The following ADPRHL1 variants were observed in gnomAD, a reference collection of about 807,000 sequenced individuals.
ADPRHL1 encodes the protein ADP-ribosylhydrolase like 1, also known as inactive ADP-ribosyltransferase ARH2.
Under a neutral mutation model 44.1 loss-of-function variants are expected in ADPRHL1, and 43 were observed. The observed-to-expected ratio is 0.98, with a 90% confidence interval of 0.76 to 1.26. The LOEUF (loss-of-function observed/expected upper bound fraction) is 1.26, where lower values mean the gene tolerates loss of function less well. ADPRHL1 is among the 50% of genes most tolerant of loss of function. ADPRHL1 has a pLI of 0.00. For synonymous variants in ADPRHL1, 878 were observed against 1,017.4 expected (o/e 0.86, Z 2.61); for missense variants, 2,022 against 2,496.9 (o/e 0.81, Z 4.05).
At chr13:113,440,667 C>T (rs2139644552) in intron 2 of ADPRHL1, among the ~76,000 whole-genome samples, 1 of 152,176 alleles carries the variant, frequency 6.6e-6, no homozygotes, top group South Asian at 2.1e-4. Flanking sequence ...GTTGGCCAGG[C>T]TGGTCTCGAA....
chr13:113,407,877 C>T lies in ADPRHL1; in HGVS notation c.1405G>A (p.Ala469Thr). 8.1e-7 allele frequency: 1 copy of T among 1,231,952 alleles called. No homozygotes were observed. The highest frequency in any genetic ancestry group is 1.0e-6 in the Non-Finnish European group (1 of 987,974). The allele number at this position is 1,231,952 out of a possible 1,614,324, so 76.3% of individuals were successfully genotyped here. Residue 469 changes from alanine to threonine, a missense_variant, in exon 8 of 8, where the codon GCC becomes ACC. Ala to Thr is a moderately conservative substitution (Grantham distance 58). Around this residue, in one of 8 missense-constraint regions of ADPRHL1, gnomAD observed 1,221 missense variants for 1,517.8 expected, o/e 0.80. Transcript: ENST00000612156. Reference protein sequence around the residue: ...KQGPGGGLVGATINKLLEKTK... With the variant: ...KQGPGGGLVGTTINKLLEKTK... ...TTCTCCAGGAGCTTGTTGATGGTGGCACCCACGAGGCCCCCACCCGGCCCC... is the reference window on the plus strand; with the variant it reads ...TTCTCCAGGAGCTTGTTGATGGTGGTACCCACGAGGCCCCCACCCGGCCCC...
At chr13:113,431,549 T>G (rs117734750) in intron 3 of ADPRHL1, among the ~76,000 whole-genome samples, 84 of 152,342 alleles carry the variant, frequency 5.5e-4, no homozygotes, top group Non-Finnish European at 9.8e-4. Flanking sequence ...GAGCACGCGA[T>G]GCAGGCTGTA....
rs1256174133 is a variant in ADPRHL1 at position 113,404,545 on chromosome 13, C to G, written c.4737G>C (p.Gln1579His). 1 of 1,297,192 alleles carries G rather than the reference C, an allele frequency of 7.7e-7. No individual in the cohort carries two copies. Among genetic ancestry groups the G allele is most frequent in the Non-Finnish European group, 9.7e-7 (1 of 1,027,140 alleles). 80.4% of individuals were successfully genotyped at this position (1,297,192 alleles called of 1,614,324 possible). ...CCCATTTCTGGGCCTGTCCCTGAAC[C>G]TGTCCCTGGGCCCCACCCTGAGCTG... ...QEPAQGGAQG[Q>H]VQGQAQKWAQ... The change falls in exon 8 of 8, where the codon CAG becomes CAC. Residue 1579 changes from glutamine to histidine, a missense_variant. Coordinates refer to ENST00000612156, the MANE Select transcript of ADPRHL1 (RefSeq NM_001394807.1).
At chr13:113,434,263 C>A (rs1201396504) in intron 2 of ADPRHL1, among the ~76,000 whole-genome samples, 1 of 151,936 alleles carries the variant, frequency 6.6e-6, no homozygotes, top group Non-Finnish European at 1.5e-5. Context: ...GGACCCAGCA[C>A]CCAGGCGCAG....
intron 2 of ADPRHL1, 35 bp from the exon 3 acceptor site, chr13:113,433,902 G>C (rs2044026679): frequency 1.3e-6 from 2 of 1,504,046 alleles, no homozygotes; most frequent in East Asian, 2.5e-5. Context: ...TTAGACTTCT[G>C]CTCCAATAAT....
intron 7 of ADPRHL1, among the ~76,000 whole-genome samples, chr13:113,418,139 T>C (rs1337271579): frequency 6.6e-6 from 1 of 152,148 alleles, no homozygotes; most frequent in East Asian, 1.9e-4. Context: ...TAAAAGCTAC[T>C]CTGTGCTCAT....
In ADPRHL1 at chr13:113,409,995, G is replaced by A. The variant is rs2043840525; in HGVS notation, c.1062-1775C>T. 1.5e-5 allele frequency: 15 copies of A among 985,274 alleles called. No individual in the cohort carries two copies. Among genetic ancestry groups the A allele is most frequent in the Non-Finnish European group, 1.6e-5 (13 of 829,912 alleles). 61.0% of individuals were successfully genotyped at this position (985,274 alleles called of 1,614,324 possible). ...TGTGTTTGTCTGCATTTTTCCAAAA[G>A]AGAGAGCTCTGTTTTGAAGCCATGG... On this transcript the variant is annotated intron_variant, in intron 7 of 7. Coordinates refer to ENST00000612156, the MANE Select transcript of ADPRHL1 (RefSeq NM_001394807.1). This position sits in a 1 kb window ranked among gnomAD's most constrained non-coding sequence, Gnocchi z 4.2.
intron 1 of ADPRHL1, among the ~76,000 whole-genome samples, chr13:113,445,971 A>AGCACGCGC (rs2044133704): frequency 3.9e-3 from 568 of 146,666 alleles, no homozygotes; most frequent in African/African-American, 8.0e-3. Context: ...CCCTGGAGAG[A>AGCACGCGC]GTGCACAGGA....
At chr13:113,415,667 C>T (rs1032063831) in intron 7 of ADPRHL1, among the ~76,000 whole-genome samples, 1 of 146,240 alleles carries the variant, frequency 6.8e-6, no homozygotes, top group African/African-American at 2.5e-5. Context: ...AGGAGAATCA[C>T]TTGAACCCAG....
rs2043789862 is a variant in ADPRHL1 at position 113,404,319 on chromosome 13, G to GTT, written c.4961_4962dup (p.Gln1655AsnfsTer9). On this transcript the variant is annotated frameshift_variant, in exon 8 of 8. Coordinates refer to ENST00000612156, the MANE Select transcript of ADPRHL1 (RefSeq NM_001394807.1). LOFTEE classifies it low-confidence loss of function (END_TRUNC). ...TCTATCTGGGTCTGCTCCTGAGCCTGTTCCTGGGCCCGTTCCTGAGCCCCT... is the reference window on the plus strand; with the variant it reads ...TCTATCTGGGTCTGCTCCTGAGCCTGTTTTCCTGGGCCCGTTCCTGAGCCCCT... The GTT allele has an allele frequency of 2.3e-6, 3 of 1,328,312 alleles. No individual in the cohort carries two copies. The highest frequency in any genetic ancestry group is 2.9e-6 in the Non-Finnish European group (3 of 1,047,518). 82.3% of individuals were successfully genotyped at this position (1,328,312 alleles called of 1,614,324 possible).
intron 7 of ADPRHL1, among the ~76,000 whole-genome samples, chr13:113,419,907 G>GGT (rs1001536831): frequency 6.6e-6 from 1 of 152,122 alleles, no homozygotes; most frequent in African/African-American, 2.4e-5. Context: ...GGACAGCCAG[G>GGT]GTGTGTGTGT....
rs1252186253 is a variant in ADPRHL1 at position 113,429,050 on chromosome 13, G to A, written c.548C>T (p.Ala183Val). The change falls in exon 4 of 8, where the codon GCC becomes GTC. Residue 183 changes from alanine (A) to valine (V), a missense_variant. Ala to Val is a moderately conservative substitution (Grantham distance 64). Transcript: ENST00000612156. The part of the protein sequence containing the change: ...SLCTALFVSF[A>V]AQGKPLVQWG... ...CTGGACCAGGGGCTTTCCTTGTGCG[G>A]CGAACGACACAAACAGGGCCGTGCA... 3.7e-6 allele frequency: 6 copies of A among 1,612,632 alleles called. No individual in the cohort carries two copies. The South Asian group carries it at 4.4e-5, about 12-fold the overall frequency.
rs1481133020 is a variant in ADPRHL1, at chr13:113,425,090, T to C, written c.736A>G (p.Ile246Val). Residue 246 changes from isoleucine (I) to valine (V), a missense_variant, in exon 5 of 8, where the codon ATC (isoleucine) becomes GTC (valine). Ile to Val is a conservative substitution (Grantham distance 29, BLOSUM62 3). Coordinates refer to ENST00000612156, the MANE Select transcript of ADPRHL1 (RefSeq NM_001394807.1). The part of the protein sequence containing the change: ...KISKDSENKA[I>V]FPDNYDAEER... ...TCTGCATCATAATTGTCGGGGAAGA[T>C]GGCTTTATTTTCTGAGTCTTTACTG... The C allele has an allele frequency of 1.9e-6, 3 of 1,613,580 alleles. No homozygotes were observed. The highest frequency in any genetic ancestry group is 2.5e-6 in the Non-Finnish European group (3 of 1,179,970).
chr13:113,444,653 G>T, intron 1 of ADPRHL1, 64 bp from the exon 2 acceptor site: 3 of 1,554,528 alleles, frequency 1.9e-6, no homozygotes, highest in Non-Finnish European at 2.6e-6. Flanking sequence ...CCTCCCTCCC[G>T]CGGGGTCAGG....
rs184276219 is a variant in ADPRHL1, at chr13:113,446,364, G to A, written c.215-1775C>T. On this transcript the variant is annotated intron_variant, in intron 1 of 7. Transcript: ENST00000612156. ...AGGGCTCCCGTGGCTGCAAACCCCC[G>A]GAGAAGTGCTCAGGACAAGGACTGT... 1.9e-3 allele frequency among the ~76,000 whole-genome samples: 294 copies of A among 152,230 alleles called. 2 individuals carry two copies. The highest frequency in any genetic ancestry group is 3.5e-3 in the Non-Finnish European group (241 of 68,004).
rs144980731 is a variant in ADPRHL1, at chr13:113,405,474, T to C, written c.3808A>G (p.Arg1270Gly). 4.9e-6 allele frequency: 6 copies of C among 1,231,952 alleles called. No homozygotes were observed. Among genetic ancestry groups the C allele is most frequent in the Non-Finnish European group, 6.1e-6 (6 of 988,130 alleles). The allele number at this position is 1,231,952 out of a possible 1,614,324, so 76.3% of individuals were successfully genotyped here. The change falls in exon 8 of 8, where the codon AGG (arginine) becomes GGG (glycine). Residue 1270 changes from arginine to glycine, a missense_variant. Around this residue, in one of 8 missense-constraint regions of ADPRHL1, gnomAD observed 1,221 missense variants for 1,517.8 expected, o/e 0.80. Coordinates refer to ENST00000612156, the MANE Select transcript of ADPRHL1 (RefSeq NM_001394807.1). ...ESGIPASDHPRPQARSVAESP... is the reference protein window; with the variant it reads ...ESGIPASDHPGPQARSVAESP... ...TCTGCCACGCTCCTTGCCTGTGGCC[T>C]AGGATGATCAGAAGCAGGAATTCCA... is the stretch of plus-strand genomic sequence containing the variant.
rs1223656664 is a variant in ADPRHL1, at chr13:113,429,026, T to C, written c.572A>G (p.Gln191Arg). The C allele has an allele frequency of 1.2e-6, 2 of 1,612,868 alleles. No homozygotes were observed. Among genetic ancestry groups the C allele is most frequent in the Admixed American group, 1.7e-5 (1 of 60,014 alleles). Residue 191 changes from glutamine (Q) to arginine (R), a missense_variant, in exon 4 of 8, where the codon CAG becomes CGG. Physicochemically the swap from Gln to Arg is conservative, Grantham distance 43 (BLOSUM62 1). Transcript: ENST00000612156. ...SFAAQGKPLV[Q>R]WGRDMLRAVP... The stretch of plus-strand genomic sequence containing the variant: ...CGCCCGCAGCATGTCTCTCCCCCAC[T>C]GGACCAGGGGCTTTCCTTGTGCGGC...
chr13:113,408,251 C>T, intron 7 of ADPRHL1, 31 bp from the exon 8 acceptor site: 2 of 1,231,728 alleles, frequency 1.6e-6, no homozygotes, highest in Middle Eastern at 3.1e-4. Flanking sequence ...TCACCTACTT[C>T]ATCATCATTT....
At chr13:113,428,354 G>A (rs2043981801) in intron 4 of ADPRHL1, among the ~76,000 whole-genome samples, 2 of 152,084 alleles carry the variant, frequency 1.3e-5, no homozygotes, top group South Asian at 2.1e-4. Context: ...ACACACACTG[G>A]ATACGTTATT....
Sources: gnomAD v4.1 joint callset for allele counts (sites outside exome capture counted in the v4.1 genomes callset) on GRCh38, gnomAD v4.1.1 for gene constraint, gnomAD v4.1.1 regional missense constraint, Gnocchi (gnomAD v3.1) non-coding constraint, MANE v1.5 for transcripts, NCBI Gene and HGNC (gene_info 2026-07-23, HGNC 2026-07-21) for gene names.